Variants in CPM observed in about 807,000 individuals in gnomAD.
The protein encoded by CPM is carboxypeptidase M.
CPM carries 35 observed loss-of-function variants against 46.4 expected under a neutral mutation model. The ratio of observed to expected loss-of-function variants is 0.75; its 90% confidence interval spans 0.58 to 1.00. CPM has a LOEUF of 1.00. Among genes scored for constraint, CPM ranks in the 50% least tolerant of loss-of-function variants. The pLI is 0.00. For synonymous variants in CPM, 195 were observed against 195.3 expected, an observed-to-expected ratio of 1.00 and a Z score of 0.01; for missense variants, 422 against 530.4, an observed-to-expected ratio of 0.80 and a Z score of 2.01.
chr12:68,890,281 C>A (rs890398481), intron 2 of CPM, among the ~76,000 whole-genome samples: 1 of 151,894 alleles, frequency 6.6e-6, no homozygotes, highest in Non-Finnish European at 1.5e-5. Context: ...TTGAAAATGG[C>A]ACACTGTCAG....
intron 5 of CPM, 89 bp from the exon 6 acceptor site, chr12:68,869,584 C>A: frequency 8.7e-7 from 1 of 1,149,126 alleles, no homozygotes; most frequent in Non-Finnish European, 1.2e-6. Flanking sequence ...ATAATCGCAT[C>A]ACACACACAT....
upstream of CPM, among the ~76,000 whole-genome samples, chr12:68,934,845 A>AC (rs1334607783): frequency 2.6e-5 from 4 of 152,124 alleles, no homozygotes; most frequent in Non-Finnish European, 5.9e-5. Context: ...ACATAAATAA[A>AC]CCAGCTTAAT....
At position 68,918,640 on chromosome 12, in the gene CPM, T is replaced by TCCAAC. The variant is rs1345513037; in HGVS notation, c.160+14033_160+14037dup. 1.7e-4 allele frequency among the ~76,000 whole-genome samples: 26 copies of TCCAAC among 152,134 alleles called. 1 individual carries two copies. In the Middle Eastern group the frequency reaches 0.01, roughly 60 times the overall value. Reference sequence around the variant, plus strand: ...TCCAATCCAATCCAATCCAATCCAATCCAACCCAACCCAACCCAACCCATT... The same window carrying TCCAAC: ...TCCAATCCAATCCAATCCAATCCAATCCAACCCAACCCAACCCAACCCAACCCATT... On this transcript the variant is annotated intron_variant, in intron 2 of 8. Transcript: ENST00000551568.
chr12:68,926,928 G>A (rs899032353), intron 2 of CPM, among the ~76,000 whole-genome samples: 3 of 152,218 alleles, frequency 2.0e-5, no homozygotes, highest in African/African-American at 4.8e-5. Context: ...ATTCTATGGT[G>A]TATATGTGCC....
intron 2 of CPM, among the ~76,000 whole-genome samples, chr12:68,894,429 G>C (rs918209116): frequency 7.2e-5 from 11 of 152,004 alleles, no homozygotes; most frequent in Admixed American, 6.6e-4. Context: ...CGGTGTTCAG[G>C]GTCCTCCATC....
At chr12:68,886,959 C>A (rs533972544) in intron 2 of CPM, among the ~76,000 whole-genome samples, 2 of 152,256 alleles carry the variant, frequency 1.3e-5, no homozygotes, top group African/African-American at 4.8e-5. Flanking sequence ...GGATTATTAA[C>A]CAAACTTTAC....
At chr12:68,866,841 T>C in intron 7 of CPM, 55 bp downstream of exon 7, 1 of 1,495,904 alleles carries the variant, frequency 6.7e-7, no homozygotes, top group Non-Finnish European at 9.2e-7. Flanking sequence ...CCCAGAGGTC[T>C]TGCCAGATGC....
At chr12:68,914,271 A>C (rs1006305277) in intron 2 of CPM, among the ~76,000 whole-genome samples, 7 of 147,120 alleles carry the variant, frequency 4.8e-5, no homozygotes, top group African/African-American at 1.5e-4. Flanking sequence ...CCCAGGTTCC[A>C]GTACGGGTTT....
Position 68,887,956 on chromosome 12 carries a change from C to A in CPM, c.161-2067G>T, listed in dbSNP as rs1886507406. Among the ~76,000 whole-genome samples, 3 of 152,176 alleles carry A rather than the reference C, an allele frequency of 2.0e-5. No individual in the cohort carries two copies. The South Asian group carries it at 6.2e-4, about 31-fold the overall frequency. On this transcript the variant is annotated intron_variant, in intron 2 of 8. Coordinates refer to ENST00000551568, the MANE Select transcript of CPM (RefSeq NM_198320.5). ...TCAGAAGCATTTGATTAACCAATTT[C>A]ATTAACCTTCCATTCCCCAACCCTG...
intron 2 of CPM, among the ~76,000 whole-genome samples, chr12:68,897,736 CAAAAA>C (rs62826660): frequency 1.9e-5 from 2 of 106,048 alleles, no homozygotes; most frequent in Non-Finnish European, 3.9e-5. Context: ...GACTCCGTTT[CAAAAA>C]AAAAAAAAAA....
At chr12:68,951,398 G>A (rs1458426565) in intron 1 of CPM, among the ~76,000 whole-genome samples, 1 of 152,168 alleles carries the variant, frequency 6.6e-6, no homozygotes, top group African/African-American at 2.4e-5. Flanking sequence ...GGTAAGTACA[G>A]TGTGGTAAGT....
At chr12:68,847,818 T>C (rs572500778), downstream of CPM, 10 of 152,330 alleles carry the variant, frequency 6.6e-5, no homozygotes, top group African/African-American at 2.2e-4. Flanking sequence ...TGATTGGCAT[T>C]GAAAGCAACT....
chr12:68,860,495 A>G (rs1885161969), intron 7 of CPM, among the ~76,000 whole-genome samples: 1 of 152,110 alleles, frequency 6.6e-6, no homozygotes, highest in Admixed American at 6.6e-5. Flanking sequence ...GGGTTTCACC[A>G]TGTTGCCCAG....
chr12:68,922,059 A>G (rs1888061411), intron 2 of CPM, among the ~76,000 whole-genome samples: 1 of 152,208 alleles, frequency 6.6e-6, no homozygotes, highest in South Asian at 2.1e-4. Context: ...CTTGGCCTCT[A>G]TGTGAACATA....
chr12:68,926,130 C>T (rs183132412), intron 2 of CPM, among the ~76,000 whole-genome samples: 3 of 152,150 alleles, frequency 2.0e-5, no homozygotes, highest in East Asian at 1.9e-4. Flanking sequence ...GTTGCCCCAG[C>T]GGGTCTCAAA....
chr12:68,865,007 C>T (rs139899319), intron 7 of CPM, among the ~76,000 whole-genome samples: 1 of 151,564 alleles, frequency 6.6e-6, no homozygotes, highest in Admixed American at 6.6e-5. Context: ...AGAGTGAGAC[C>T]CTGTCTCTAA....
At chr12:68,913,955 T>A in intron 2 of CPM, 2 of 719,014 alleles carry the variant, frequency 2.8e-6, no homozygotes, top group Non-Finnish European at 5.3e-6. Context: ...ACACAGAATA[T>A]CAAATTTGTG....
At chr12:68,928,002 C>G (rs1372839504) in intron 2 of CPM, among the ~76,000 whole-genome samples, 2 of 152,086 alleles carry the variant, frequency 1.3e-5, no homozygotes, top group African/African-American at 4.8e-5. Flanking sequence ...ACTTTCTTCA[C>G]AGAATTGGAA....
At chr12:68,916,800 A>G (rs1054778040) in intron 2 of CPM, among the ~76,000 whole-genome samples, 1 of 151,222 alleles carries the variant, frequency 6.6e-6, no homozygotes, top group African/African-American at 2.4e-5. Context: ...AGGCAGGAGA[A>G]TCGCTTGAAC....
Sources: allele counts gnomAD v4.1 joint callset (sites outside exome capture counted in the v4.1 genomes callset), GRCh38; gene constraint gnomAD v4.1.1; transcripts MANE v1.5; gene names NCBI Gene and HGNC (gene_info 2026-07-23, HGNC 2026-07-21).